The following PGAP6 variants were observed in gnomAD, a reference collection of about 807,000 sequenced individuals.
The protein encoded by PGAP6 is post-GPI attachment to proteins factor 6.
In PGAP6, 62 loss-of-function variants were observed where a neutral mutation model predicts 68.4. The observed-to-expected ratio is 0.91, with a 90% CI of 0.74 to 1.12. The LOEUF is 1.12. PGAP6 is among the 50% of genes most tolerant of loss of function. The pLI is 0.00. For synonymous variants in PGAP6, 575 were observed against 474.0 expected (o/e 1.21, Z -2.77); for missense variants, 1,188 against 1,068.5 (o/e 1.11, Z -1.56).
At position 375,242 on chromosome 16, in the gene PGAP6, A is replaced by G; in HGVS notation, c.1330T>C (p.Tyr444His). Residue 444 changes from tyrosine to histidine, a missense_variant, in exon 8 of 13, where the codon TAC (tyrosine) becomes CAC (histidine). Tyr to His is a moderately conservative substitution (Grantham distance 83, BLOSUM62 2). Transcript: ENST00000431232. The part of the protein sequence containing the change: ...LNCTTAFFQG[Y>H]PLSLSAWSRR... ...GACCAGGCGCTCAGAGACAAAGGGT[A>G]GCCCTGGAAGAAGGCTGCAGGGGAG... 6.2e-7 allele frequency: 1 copy of G among 1,613,154 alleles called. No individual in the cohort carries two copies. The highest frequency in any genetic ancestry group is 1.3e-5 in the African/African-American group (1 of 75,056).
At chr16:385,638 T>TTGAGATGGAG (rs2054478524), upstream of PGAP6, among the ~76,000 whole-genome samples, 2 of 128,580 alleles carry the variant, frequency 1.6e-5, no homozygotes, top group African/African-American at 6.2e-5. Flanking sequence ...TTTTTTTTTT[T>TTGAGATGGAG]TTTTGAGATG....
chr16:375,456 G>T (rs76495421), intron 6 of PGAP6, 21 bp from the exon 7 acceptor site: 3 of 1,608,444 alleles, frequency 1.9e-6, no homozygotes, highest in Non-Finnish European at 2.5e-6. Flanking sequence ...AGGCGGTGCC[G>T]GCTCAGCTCC....
rs1555491575 is a variant in PGAP6, at chr16:378,204, C to CCGCACTGCCATCGCCA, written c.122-357_122-356insTGGCGATGGCAGTGCG. The stretch of plus-strand genomic sequence containing the variant: ...TCCCCACCCGCACTGCCATCGCCAC[C>CCGCACTGCCATCGCCA]CTGACTGCCATCGCCACCCTGACTG... On this transcript the variant is annotated intron_variant, in intron 1 of 12. Coordinates refer to ENST00000431232, the MANE Select transcript of PGAP6 (RefSeq NM_021259.3). Among the ~76,000 whole-genome samples, 322 of 88,668 alleles carry CCGCACTGCCATCGCCA rather than the reference C, an allele frequency of 3.6e-3. 28 individuals are homozygous for CCGCACTGCCATCGCCA. Among genetic ancestry groups the CCGCACTGCCATCGCCA allele is most frequent in the Middle Eastern group, 0.011 (2 of 182 alleles). The allele number at this position is 88,668 out of a possible 152,430, so 58.2% of individuals were successfully genotyped here.
chr16:374,796 G>C lies in PGAP6; in HGVS notation c.1536C>G (p.Arg512=). 6.2e-7 allele frequency: 1 copy of C among 1,612,848 alleles called. No homozygotes were observed. Among genetic ancestry groups the C allele is most frequent in the Non-Finnish European group, 8.5e-7 (1 of 1,179,944 alleles). ...CGPYGQCLLL[R]RHSYLYASCS... ...AGCTGGCATACAGGTAGCTGTGTCT[G>C]CGGAGCAGGAGGCACTGGCCATAGG... is the stretch of plus-strand genomic sequence containing the variant. Residue 512 remains arginine (R), a synonymous_variant, in exon 9 of 13, where the codon CGC becomes CGG. Transcript: ENST00000431232.
At chr16:376,516 C>T in intron 5 of PGAP6, 28 bp downstream of exon 5, 1 of 1,544,870 alleles carries the variant, frequency 6.5e-7, no homozygotes. Flanking sequence ...AGGGGCAGGG[C>T]CATCCCTCCA....
rs1305494737 is a variant in PGAP6 at position 381,627 on chromosome 16, C to T, written c.121+74G>A. 3 of 1,106,602 alleles carry T rather than the reference C, an allele frequency of 2.7e-6. No individual in the cohort carries two copies. In the East Asian group the frequency reaches 1.2e-4, roughly 45 times the overall value. 68.5% of individuals were successfully genotyped at this position (1,106,602 alleles called of 1,614,324 possible). A position where few individuals can be genotyped will look rare whatever the true frequency, so the allele number is the denominator to read the frequency against. On this transcript the variant is annotated intron_variant, in intron 1 of 12. Transcript: ENST00000431232. ...GCGCCAGATGAGCGCACAGGTGCGCCCGGGGTGTCACAATCCCGCCCCGCC... is the reference window on the plus strand; with the variant it reads ...GCGCCAGATGAGCGCACAGGTGCGCTCGGGGTGTCACAATCCCGCCCCGCC...
At position 377,812 on chromosome 16, in the gene PGAP6, G is replaced by T. The variant is rs868534529; in HGVS notation, c.158C>A (p.Pro53Gln). Reference protein sequence around the residue: ...GLVSEHFSQAPQRLSFYSWYG... With the variant: ...GLVSEHFSQAQQRLSFYSWYG... Reference sequence around the variant, plus strand: ...CCAGCTGTAGAAGGACAGCCTCTGCGGGGCCTGCGAGAAGTGCTCGGACAC... The same window carrying T: ...CCAGCTGTAGAAGGACAGCCTCTGCTGGGCCTGCGAGAAGTGCTCGGACAC... Residue 53 changes from proline (P) to glutamine (Q), a missense_variant, in exon 2 of 13, where the codon CCG (proline) becomes CAG (glutamine). Physicochemically the swap from Pro to Gln is moderately conservative, Grantham distance 76. Transcript: ENST00000431232. The T allele has an allele frequency of 1.3e-6, 2 of 1,572,668 alleles. No individual in the cohort carries two copies. Among genetic ancestry groups the T allele is most frequent in the Non-Finnish European group, 1.7e-6 (2 of 1,159,696 alleles).
At position 374,903 on chromosome 16, in the gene PGAP6, G is replaced by A; in HGVS notation, c.1440-11C>T. On this transcript the variant is annotated splice_polypyrimidine_tract_variant and intron_variant, in intron 8 of 12. Coordinates refer to ENST00000431232, the MANE Select transcript of PGAP6 (RefSeq NM_021259.3). ...GCCTGCTCACAGTCCCTTTGAGGAA[G>A]GGGCCACAGGAAAGCTGGTGCAGTG... is the stretch of plus-strand genomic sequence containing the variant. 1 of 1,612,560 alleles carries A rather than the reference G, an allele frequency of 6.2e-7. No homozygotes were observed. The highest frequency in any genetic ancestry group is 1.1e-5 in the South Asian group (1 of 91,056).
intron 6 of PGAP6, 68 bp from the exon 7 acceptor site, chr16:375,503 G>C (rs981628417): frequency 1.5e-6 from 2 of 1,346,964 alleles, no homozygotes; most frequent in Admixed American, 3.4e-5. Context: ...TCTGCCCCAC[G>C]TGCCAGCTCA....
upstream of PGAP6, among the ~76,000 whole-genome samples, chr16:385,528 G>T (rs181459328): frequency 0.33 from 43,231 of 132,210 alleles, 9,064 homozygotes; most frequent in African/African-American, 0.54. Context: ...AGCCAGGATG[G>T]TCTCGATCTC....
At chr16:373,554 G>GATTTC (rs2054352626) in intron 11 of PGAP6, among the ~76,000 whole-genome samples, 3 of 152,134 alleles carry the variant, frequency 2.0e-5, no homozygotes, top group African/African-American at 7.2e-5. Context: ...GAAGACATGA[G>GATTTC]GTTTCTTTTC....
intron 1 of PGAP6, among the ~76,000 whole-genome samples, chr16:380,370 TTC>T (rs1273088390): frequency 6.7e-6 from 1 of 148,746 alleles, no homozygotes; most frequent in African/African-American, 2.6e-5. Context: ...CTTTCTGTCT[TTC>T]TTTTTTTTTT....
upstream of PGAP6, among the ~76,000 whole-genome samples, chr16:385,244 T>C (rs1567328620): frequency 6.6e-6 from 1 of 151,534 alleles, no homozygotes; most frequent in Non-Finnish European, 1.5e-5. Flanking sequence ...GAACTGCTTG[T>C]ATTTGGAAAA....
chr16:370,951 T>C lies in PGAP6; in HGVS notation c.*1036A>G, dbSNP rs536361082. 1 of 152,228 alleles carries C rather than the reference T, an allele frequency of 6.6e-6. No individual in the cohort carries two copies. The highest frequency in any genetic ancestry group is 1.5e-5 in the Non-Finnish European group (1 of 68,060). The allele number at this position is 152,228 out of a possible 1,614,324, so 9.4% of individuals were successfully genotyped here. On this transcript the variant is annotated 3_prime_UTR_variant, in exon 13 of 13. Transcript: ENST00000431232. ...CTTAGAGATTGCTTTGGTGGTCAAGTGCAGGGCGGCTGGGGGAGGTAAGAC... is the reference window on the plus strand; with the variant it reads ...CTTAGAGATTGCTTTGGTGGTCAAGCGCAGGGCGGCTGGGGGAGGTAAGAC...
At position 376,167 on chromosome 16, in the gene PGAP6, C is replaced by T. The variant is rs151156580; in HGVS notation, c.1193G>A (p.Gly398Asp). ...LRLNTGMDSGGSLTISLRANK... is the reference protein window; with the variant it reads ...LRLNTGMDSGDSLTISLRANK... Reference sequence around the variant, plus strand: ...GGCCCGCAGGGAGATGGTGAGGGAACCCCCGCTGTCCATGCCGGTGTTCAG... The same window carrying T: ...GGCCCGCAGGGAGATGGTGAGGGAATCCCCGCTGTCCATGCCGGTGTTCAG... The change falls in exon 6 of 13, where the codon GGT (glycine) becomes GAT (aspartate). Residue 398 changes from glycine (G) to aspartate (D), a missense_variant. Gly to Asp is a moderately conservative substitution (Grantham distance 94). Transcript: ENST00000431232. 1,267 of 1,608,910 alleles carry T rather than the reference C, an allele frequency of 7.9e-4. 1 individual carries two copies. The highest frequency in any genetic ancestry group is 1.0e-3 in the Non-Finnish European group (1,214 of 1,177,418).
rs1343171923 is a variant in PGAP6, at chr16:377,553, T to C, written c.332A>G (p.Asn111Ser). The change falls in exon 3 of 13, where the codon AAC (asparagine) becomes AGC (serine). Residue 111 changes from asparagine to serine, a missense_variant. Physicochemically the swap from Asn to Ser is conservative, Grantham distance 46 (BLOSUM62 1). Coordinates refer to ENST00000431232, the MANE Select transcript of PGAP6 (RefSeq NM_021259.3). ...GTCCGGGAAGCTGGTGCCCAGCGGGTTGATGACCGGAGGGGCGCCGGAACG... is the reference window on the plus strand; with the variant it reads ...GTCCGGGAAGCTGGTGCCCAGCGGGCTGATGACCGGAGGGGCGCCGGAACG... ...HFRSGAPPVI[N>S]PLGTSFPDDT... The C allele has an allele frequency of 1.9e-6, 3 of 1,586,400 alleles. No individual in the cohort carries two copies. The highest frequency in any genetic ancestry group is 3.6e-5 in the Admixed American group (2 of 55,586).
chr16:385,595 G>A (rs186154849), upstream of PGAP6, among the ~76,000 whole-genome samples: 64 of 144,236 alleles, frequency 4.4e-4, no homozygotes, highest in Admixed American at 6.4e-4. Context: ...ACAGGCATGA[G>A]CCACAGCGCC....
In PGAP6 at chr16:376,174, T is replaced by C; in HGVS notation, c.1186A>G (p.Ser396Gly). The stretch of plus-strand genomic sequence containing the variant: ...AGGGAGATGGTGAGGGAACCCCCGC[T>C]GTCCATGCCGGTGTTCAGGCGCAGC... ...MRLRLNTGMD[S>G]GGSLTISLRA... The change falls in exon 6 of 13, where the codon AGC becomes GGC. Residue 396 changes from serine (S) to glycine (G), a missense_variant. Physicochemically the swap from Ser to Gly is moderately conservative, Grantham distance 56. Coordinates refer to ENST00000431232, the MANE Select transcript of PGAP6 (RefSeq NM_021259.3). 2 of 1,610,678 alleles carry C rather than the reference T, an allele frequency of 1.2e-6. No individual in the cohort carries two copies. Among genetic ancestry groups the C allele is most frequent in the Non-Finnish European group, 1.7e-6 (2 of 1,178,572 alleles).
At position 373,985 on chromosome 16, in the gene PGAP6, C is replaced by A; in HGVS notation, c.1902+20G>T. 1.3e-6 allele frequency: 2 copies of A among 1,590,678 alleles called. No individual in the cohort carries two copies. The highest frequency in any genetic ancestry group is 1.7e-6 in the Non-Finnish European group (2 of 1,168,982). On this transcript the variant is annotated intron_variant, in intron 11 of 12. Coordinates refer to ENST00000431232, the MANE Select transcript of PGAP6 (RefSeq NM_021259.3). ...GCCCTGCTCCCCCGGAGCCCACACC[C>A]CACGTCGAGGGCCACTCACGTATTT...
Sources: allele counts gnomAD v4.1 joint callset (sites outside exome capture counted in the v4.1 genomes callset), GRCh38; gene constraint gnomAD v4.1.1; transcripts MANE v1.5; gene names NCBI Gene and HGNC (gene_info 2026-07-23, HGNC 2026-07-21).